AGO3: variants seen among roughly 807,000 people sequenced by gnomAD.
The protein encoded by AGO3 is protein argonaute-3.
In AGO3, 16 loss-of-function variants were observed where a neutral mutation model predicts 105.5. That is an observed-to-expected ratio of 0.15 (90% CI 0.10 to 0.23). AGO3 has a LOEUF of 0.23. Ranked by LOEUF, AGO3 falls within the 10% of genes least tolerant of loss-of-function variation. AGO3 has a pLI of 1.00. For missense variants in AGO3, 534 were observed against 1,088.0 expected, an observed-to-expected ratio of 0.49 and a Z score of 7.16; for synonymous variants, 340 against 367.3, an observed-to-expected ratio of 0.93 and a Z score of 0.85.
At chr1:36,038,317 G>A (rs369957130) in intron 14 of AGO3, among the ~76,000 whole-genome samples, 6 of 146,912 alleles carry the variant, frequency 4.1e-5, no homozygotes, top group South Asian at 2.2e-4. Context: ...TGCAGTGGGC[G>A]CGATCTTGGC....
chr1:35,960,500 C>T lies in AGO3; in HGVS notation c.192-6455C>T, dbSNP rs192214551. Among the ~76,000 whole-genome samples, 790 of 150,794 alleles carry T rather than the reference C, an allele frequency of 5.2e-3. 7 individuals carry two copies. Among genetic ancestry groups the T allele is most frequent in the African/African-American group, 0.018 (733 of 41,094 alleles). ...GTCTCAAAAAAAAATTTTTTTTTTT[C>T]GCTAAAATTCTAAATATATGAATTT... On this transcript the variant is annotated intron_variant, in intron 2 of 18. Transcript: ENST00000373191.
intron 9 of AGO3, among the ~76,000 whole-genome samples, chr1:36,012,481 T>C (rs768513489): frequency 6.6e-6 from 1 of 152,090 alleles, no homozygotes; most frequent in Non-Finnish European, 1.5e-5. Flanking sequence ...TGGGAATATA[T>C]AAAAATTATA....
chr1:36,003,327 GTT>G (rs1291611394), intron 5 of AGO3, among the ~76,000 whole-genome samples: 1 of 152,046 alleles, frequency 6.6e-6, no homozygotes, highest in Non-Finnish European at 1.5e-5. Context: ...AAAACCCATG[GTT>G]AAGAAATCAT....
chr1:36,016,576 C>G (rs573024122), intron 11 of AGO3, among the ~76,000 whole-genome samples: 1 of 151,930 alleles, frequency 6.6e-6, no homozygotes, highest in East Asian at 1.9e-4. Context: ...AACAGTTATC[C>G]CCTTTGATCT....
At chr1:35,943,875 A>G (rs1646306860) in intron 1 of AGO3, among the ~76,000 whole-genome samples, 2 of 152,126 alleles carry the variant, frequency 1.3e-5, no homozygotes, top group African/African-American at 4.8e-5. Context: ...TGCTGGGATT[A>G]CAGGTGTGAG....
intron 1 of AGO3, among the ~76,000 whole-genome samples, chr1:35,933,584 G>A (rs1053454084): frequency 2.2e-5 from 3 of 134,416 alleles, no homozygotes; most frequent in African/African-American, 8.3e-5. Context: ...AGAGATTGCA[G>A]TGAGCTATGA....
At chr1:35,987,937 G>A (rs543201493) in intron 5 of AGO3, among the ~76,000 whole-genome samples, 10 of 151,622 alleles carry the variant, frequency 6.6e-5, no homozygotes, top group East Asian at 3.9e-4. Flanking sequence ...GCATGGTGGC[G>A]CACACCTGTA....
intron 8 of AGO3, 158 bp from the exon 9 acceptor site, chr1:36,009,317 G>A: frequency 3.3e-6 from 3 of 896,886 alleles, no homozygotes; most frequent in Non-Finnish European, 4.9e-6. Flanking sequence ...CTTAATTACT[G>A]TAGAGCTGTC....
chr1:35,931,011 T>A (rs1264498361), upstream of AGO3: 3 of 358,114 alleles, frequency 8.4e-6, no homozygotes, highest in Non-Finnish European at 9.9e-6. Flanking sequence ...CCGACGTCGC[T>A]CCGGCACGGC....
intron 11 of AGO3, among the ~76,000 whole-genome samples, chr1:36,024,778 G>A (rs185863305): frequency 1.3e-5 from 2 of 152,172 alleles, no homozygotes; most frequent in East Asian, 3.9e-4. Context: ...CTGCCTCCCA[G>A]GTTCAAGCGT....
intron 17 of AGO3, among the ~76,000 whole-genome samples, chr1:36,050,746 C>T (rs1354726197): frequency 6.8e-6 from 1 of 147,596 alleles, no homozygotes; most frequent in Non-Finnish European, 1.5e-5. Context: ...GCCGAGATCA[C>T]ACCATTGCAC....
chr1:36,060,801 T>C lies in AGO3; in HGVS notation c.*5056T>C, dbSNP rs1643018200. The C allele has an allele frequency of 6.6e-6, 1 of 152,226 alleles. No homozygotes were observed. Among genetic ancestry groups the C allele is most frequent in the African/African-American group, 2.4e-5 (1 of 41,456 alleles). 9.4% of individuals were successfully genotyped at this position (152,226 alleles called of 1,614,324 possible). On this transcript the variant is annotated 3_prime_UTR_variant, in exon 19 of 19. Coordinates refer to ENST00000373191, the MANE Select transcript of AGO3 (RefSeq NM_024852.4). ...TAGTGTGGCGTCTTTATTTTGGCTT[T>C]ATCCATATGAAGTATTCATTATTTT...
intron 5 of AGO3, among the ~76,000 whole-genome samples, chr1:35,988,815 AT>A (rs1330247768): frequency 1.3e-5 from 2 of 152,122 alleles, no homozygotes; most frequent in Admixed American, 6.6e-5. Context: ...TTGCTAGATC[AT>A]GTAGTAGTTC....
intron 5 of AGO3, among the ~76,000 whole-genome samples, chr1:35,988,468 C>T (rs1327076299): frequency 6.6e-6 from 1 of 152,040 alleles, no homozygotes; most frequent in African/African-American, 2.4e-5. Flanking sequence ...GGGTAACTAC[C>T]ATTCTAACCT....
chr1:36,057,140 C>A lies in AGO3; in HGVS notation c.*1395C>A, dbSNP rs979057341. ...CTGGTAAGTGATGTGTATTCTGAAG[C>A]CTTCTGTTTCTATGGGTTATACATG... On this transcript the variant is annotated 3_prime_UTR_variant, in exon 19 of 19. Coordinates refer to ENST00000373191, the MANE Select transcript of AGO3 (RefSeq NM_024852.4). 6.6e-6 allele frequency: 1 copy of A among 152,012 alleles called. No homozygotes were observed. The highest frequency in any genetic ancestry group is 1.5e-5 in the Non-Finnish European group (1 of 68,006). 9.4% of individuals were successfully genotyped at this position (152,012 alleles called of 1,614,324 possible). A position where few individuals can be genotyped will look rare whatever the true frequency, so the allele number is the denominator to read the frequency against.
intron 12 of AGO3, among the ~76,000 whole-genome samples, 162 bp from the exon 13 acceptor site, chr1:36,034,012 T>A (rs1040311193): frequency 6.6e-6 from 1 of 152,240 alleles, no homozygotes; most frequent in Non-Finnish European, 1.5e-5. Flanking sequence ...CAGTATACTT[T>A]CAATTTTAAC....
chr1:36,009,407 T>C (rs1640484861), intron 8 of AGO3, 68 bp from the exon 9 acceptor site: 1 of 1,485,054 alleles, frequency 6.7e-7, no homozygotes, highest in Admixed American at 2.2e-5. Context: ...TTACATGTAA[T>C]TGGCACTAAG....
chr1:36,047,254 C>T (rs550049516), intron 17 of AGO3, among the ~76,000 whole-genome samples: 30 of 151,606 alleles, frequency 2.0e-4, no homozygotes, highest in Non-Finnish European at 4.0e-4. Flanking sequence ...AAAAAAAGAT[C>T]GGGAAAGCAA....
intron 2 of AGO3, among the ~76,000 whole-genome samples, chr1:35,963,457 G>A (rs1217021117): frequency 6.6e-6 from 1 of 152,126 alleles, no homozygotes; most frequent in Non-Finnish European, 1.5e-5. Flanking sequence ...CATAGAAATA[G>A]AAGAATGTTC....
Sources: gnomAD v4.1 joint callset for allele counts (sites outside exome capture counted in the v4.1 genomes callset) on GRCh38, gnomAD v4.1.1 for gene constraint, MANE v1.5 for transcripts, NCBI Gene and HGNC (gene_info 2026-07-23, HGNC 2026-07-21) for gene names.